SIK2: variants seen among roughly 807,000 people sequenced by gnomAD.
The protein encoded by SIK2 is serine/threonine-protein kinase SIK2.
A neutral mutation model predicts 103.2 loss-of-function variants in SIK2; 29 were observed. The observed-to-expected ratio is 0.28, with a 90% CI of 0.21 to 0.38. The LOEUF (loss-of-function observed/expected upper bound fraction) is 0.38, where lower values mean the gene tolerates loss of function less well. Among genes scored for constraint, SIK2 ranks in the 10% least tolerant of loss-of-function variants. The probability of loss-of-function intolerance (pLI) is 1.00; values close to 1 mark genes in which losing one functional copy is unlikely to be tolerated. For synonymous variants in SIK2, 412 were observed against 446.1 expected, an observed-to-expected ratio of 0.92 and a Z score of 0.96; for missense variants, 879 against 1,171.0, an observed-to-expected ratio of 0.75 and a Z score of 3.64.
intron 3 of SIK2, among the ~76,000 whole-genome samples, chr11:111,656,590 CAGGGACAAGTCATTCAA>C (rs1297418435): frequency 6.6e-6 from 1 of 152,152 alleles, no homozygotes; most frequent in East Asian, 1.9e-4. Flanking sequence ...TGGAAAGAAA[CAGGGACAAGTCATTCAA>C]AATGCAAAAT....
At chr11:111,609,452 G>A (rs1941691519) in intron 1 of SIK2, among the ~76,000 whole-genome samples, 1 of 151,982 alleles carries the variant, frequency 6.6e-6, no homozygotes, top group African/African-American at 2.4e-5. Context: ...CTTCCAAGTA[G>A]CTGGAACTAC....
intron 3 of SIK2, among the ~76,000 whole-genome samples, chr11:111,676,260 C>A (rs1419261832): frequency 1.3e-5 from 2 of 152,144 alleles, no homozygotes; most frequent in Non-Finnish European, 2.9e-5. Context: ...GATTTACATT[C>A]CTTTGGGCAT....
Position 111,724,710 on chromosome 11 carries a change from CTG to C in SIK2, c.*585_*586del, listed in dbSNP as rs1943915002. 6.5e-6 allele frequency: 1 copy of C among 154,682 alleles called. No homozygotes were observed. The highest frequency in any genetic ancestry group is 2.4e-5 in the African/African-American group (1 of 41,446). 9.6% of individuals were successfully genotyped at this position (154,682 alleles called of 1,614,324 possible). A position where few individuals can be genotyped will look rare whatever the true frequency, so the allele number is the denominator to read the frequency against. ...CCATCACAAAGCAGTGGGGCATGAG[CTG>C]TGTTTCAGGGGCCACTAAATAACAG... On this transcript the variant is annotated 3_prime_UTR_variant, in exon 15 of 15. Transcript: ENST00000304987.
chr11:111,635,218 C>T (rs925372587), intron 3 of SIK2, among the ~76,000 whole-genome samples: 2 of 151,926 alleles, frequency 1.3e-5, no homozygotes, highest in African/African-American at 2.4e-5. Context: ...TGTGGTAGTC[C>T]TAGTTCCGCC....
chr11:111,606,888 T>G (rs1941655632), intron 1 of SIK2, among the ~76,000 whole-genome samples: 1 of 151,228 alleles, frequency 6.6e-6, no homozygotes, highest in Admixed American at 6.6e-5. Context: ...CCAATGCAGA[T>G]GGGTTGCTTG....
At chr11:111,679,951 C>G (rs1942755796) in intron 3 of SIK2, among the ~76,000 whole-genome samples, 1 of 151,858 alleles carries the variant, frequency 6.6e-6, no homozygotes, top group Non-Finnish European at 1.5e-5. Context: ...GGTGAAACCC[C>G]ATCTCTACTA....
At chr11:111,620,153 G>A (rs1941864074) in intron 2 of SIK2, among the ~76,000 whole-genome samples, 186 bp from the exon 3 acceptor site, 1 of 152,176 alleles carries the variant, frequency 6.6e-6, no homozygotes. Context: ...AGAAGAGCAA[G>A]GATCTCAATT....
chr11:111,668,136 C>T (rs1942572204), intron 3 of SIK2, among the ~76,000 whole-genome samples: 1 of 151,482 alleles, frequency 6.6e-6, no homozygotes, highest in Admixed American at 6.6e-5. Context: ...GGTAAGGGCT[C>T]TATGTAGGAA....
intron 8 of SIK2, 89 bp from the exon 9 acceptor site, chr11:111,712,122 C>G: frequency 7.7e-7 from 1 of 1,299,740 alleles, no homozygotes; most frequent in Non-Finnish European, 1.1e-6. Flanking sequence ...TTAATTGCCA[C>G]AGGAAGAATT....
intron 14 of SIK2, 23 bp from the exon 15 acceptor site, chr11:111,723,473 T>G: frequency 6.4e-7 from 1 of 1,558,646 alleles, no homozygotes; most frequent in Non-Finnish European, 8.7e-7. Flanking sequence ...TTAAAATTCT[T>G]TCCTTTGATA....
At chr11:111,624,667 T>C (rs1941938012) in intron 3 of SIK2, among the ~76,000 whole-genome samples, 1 of 152,236 alleles carries the variant, frequency 6.6e-6, no homozygotes, top group Non-Finnish European at 1.5e-5. Context: ...CTCTACTCTT[T>C]TACATTCTAG....
chr11:111,647,422 T>G (rs1487241747), intron 3 of SIK2, among the ~76,000 whole-genome samples: 1 of 151,972 alleles, frequency 6.6e-6, no homozygotes, highest in African/African-American at 2.4e-5. Flanking sequence ...TACCCCTTTT[T>G]TCCAGACTGG....
intron 3 of SIK2, among the ~76,000 whole-genome samples, chr11:111,687,799 G>T (rs1448940833): frequency 6.6e-6 from 1 of 151,756 alleles, no homozygotes; most frequent in African/African-American, 2.4e-5. Context: ...TAGAGACGGG[G>T]TTTCACCGTG....
intron 1 of SIK2, among the ~76,000 whole-genome samples, chr11:111,611,205 C>T (rs1252300507): frequency 2.7e-5 from 4 of 150,868 alleles, no homozygotes; most frequent in East Asian, 3.9e-4. Context: ...GCTGAGATCG[C>T]GCCAGTGCAC....
At chr11:111,698,690 A>G (rs370599040) in intron 4 of SIK2, among the ~76,000 whole-genome samples, 6 of 152,350 alleles carry the variant, frequency 3.9e-5, no homozygotes, top group African/African-American at 9.6e-5. Flanking sequence ...TAGCCTGGGC[A>G]ACAGAGCAAG....
Position 111,719,910 on chromosome 11 carries a change from C to T in SIK2, c.1402C>T (p.His468Tyr), listed in dbSNP as rs772138429. ...AGGAGAGGCCGAGGAAGACCCCGCT[C>T]ATGCCTTTGAGGCATTTCAGTCCAC... The part of the protein sequence containing the change: ...TEGEAEEDPA[H>Y]AFEAFQSTRS... Residue 468 changes from histidine to tyrosine, a missense_variant, in exon 10 of 15, where the codon CAT becomes TAT. Transcript: ENST00000304987. 1 of 1,614,186 alleles carries T rather than the reference C, an allele frequency of 6.2e-7. No individual in the cohort carries two copies.
chr11:111,728,746 A>G lies in SIK2; in HGVS notation c.*4617A>G, dbSNP rs1196069220. On this transcript the variant is annotated 3_prime_UTR_variant, in exon 15 of 15. Coordinates refer to ENST00000304987, the MANE Select transcript of SIK2 (RefSeq NM_015191.3). ...GATTGAGACCATCCTAACACAGTGAAACGCCGTCTCTACTAAAAATACAAA... is the reference window on the plus strand; with the variant it reads ...GATTGAGACCATCCTAACACAGTGAGACGCCGTCTCTACTAAAAATACAAA... 2 of 152,098 alleles carry G rather than the reference A, an allele frequency of 1.3e-5. No individual in the cohort carries two copies. The highest frequency in any genetic ancestry group is 2.9e-5 in the Non-Finnish European group (2 of 68,052). 9.4% of individuals were successfully genotyped at this position (152,098 alleles called of 1,614,324 possible). A position where few individuals can be genotyped will look rare whatever the true frequency, so the allele number is the denominator to read the frequency against.
chr11:111,664,892 T>C (rs1319718355), intron 3 of SIK2, among the ~76,000 whole-genome samples: 2 of 152,156 alleles, frequency 1.3e-5, no homozygotes, highest in Non-Finnish European at 2.9e-5. Context: ...GCTTGGGAGC[T>C]TGGGGACTTT....
intron 4 of SIK2, among the ~76,000 whole-genome samples, chr11:111,694,871 C>A (rs1045527580): frequency 1.3e-5 from 2 of 152,128 alleles, no homozygotes; most frequent in Non-Finnish European, 2.9e-5. Context: ...TGCTTCTTAG[C>A]TCATTGAACT....
Sources: gnomAD v4.1 joint callset for allele counts (sites outside exome capture counted in the v4.1 genomes callset) on GRCh38, gnomAD v4.1.1 for gene constraint, MANE v1.5 for transcripts, NCBI Gene and HGNC (gene_info 2026-07-23, HGNC 2026-07-21) for gene names.